ATRNL1: variants seen among roughly 807,000 people sequenced by gnomAD.
The protein encoded by ATRNL1 is attractin-like protein 1.
Under a neutral mutation model 182.7 loss-of-function variants are expected in ATRNL1, and 95 were observed. The ratio of observed to expected loss-of-function variants is 0.52; its 90% CI spans 0.44 to 0.62. ATRNL1 has a LOEUF of 0.62. ATRNL1 is among the 20% of genes least tolerant of loss of function. The pLI, the probability that ATRNL1 is intolerant of heterozygous loss-of-function variation, is 0.00. For missense variants in ATRNL1, 1,471 were observed against 1,679.5 expected (o/e 0.88, Z 2.17); for synonymous variants, 576 against 568.3 (o/e 1.01, Z -0.19).
intron 27 of ATRNL1, among the ~76,000 whole-genome samples, chr10:115,750,411 C>T (rs368226688): frequency 2.6e-5 from 4 of 151,632 alleles, no homozygotes; most frequent in African/African-American, 9.7e-5. Flanking sequence ...GATAGATGAA[C>T]AGCTATATGG....
chr10:115,185,793 G>C (rs1847916857), intron 8 of ATRNL1, among the ~76,000 whole-genome samples: 1 of 152,036 alleles, frequency 6.6e-6, no homozygotes, highest in Admixed American at 6.6e-5. Flanking sequence ...AGAGAAACCT[G>C]TCAATAACTT....
intron 9 of ATRNL1, among the ~76,000 whole-genome samples, chr10:115,218,068 G>A (rs1362705280): frequency 6.6e-6 from 1 of 151,806 alleles, no homozygotes; most frequent in Admixed American, 6.6e-5. Context: ...TATTTATTGT[G>A]CACTTTATTT....
chr10:115,592,659 G>T (rs1855982452), intron 26 of ATRNL1, among the ~76,000 whole-genome samples: 1 of 152,110 alleles, frequency 6.6e-6, no homozygotes, highest in Admixed American at 6.5e-5. Context: ...CATTCACTTG[G>T]TGTAATATTT....
chr10:115,447,636 A>G lies in ATRNL1; in HGVS notation c.3323-14305A>G, dbSNP rs1029992982. ...CATAGTGCATTTATTTTAGTTATGTAGAATATTTCTACAGGTATAACATTT... is the reference window on the plus strand; with the variant it reads ...CATAGTGCATTTATTTTAGTTATGTGGAATATTTCTACAGGTATAACATTT... On this transcript the variant is annotated intron_variant, in intron 21 of 28. Coordinates refer to ENST00000355044, the MANE Select transcript of ATRNL1 (RefSeq NM_207303.4). 5.3e-5 allele frequency among the ~76,000 whole-genome samples: 8 copies of G among 152,092 alleles called. No homozygotes were observed. In the East Asian group the frequency reaches 1.4e-3, roughly 26 times the overall value.
intron 7 of ATRNL1, among the ~76,000 whole-genome samples, chr10:115,166,087 A>G (rs1247539672): frequency 2.0e-5 from 3 of 152,006 alleles, no homozygotes; most frequent in African/African-American, 4.8e-5. Context: ...TCTTGAAACC[A>G]CCAATCTACT....
chr10:115,578,715 C>T (rs1431568154), intron 26 of ATRNL1, among the ~76,000 whole-genome samples: 1 of 150,806 alleles, frequency 6.6e-6, no homozygotes, highest in Non-Finnish European at 1.5e-5. Context: ...TATAGTTTTT[C>T]TCTTTTCTGT....
rs186871525 is a variant in ATRNL1, at chr10:115,314,970, T to C, written c.2819-548T>C. 3.3e-5 allele frequency among the ~76,000 whole-genome samples: 5 copies of C among 152,234 alleles called. No homozygotes were observed. In the East Asian group the frequency reaches 7.7e-4, roughly 24 times the overall value. ...ATCCAGCTTGGCTTTTTGGATGAGA[T>C]TAAGTTTATTCATCACATAGTAGCC... On this transcript the variant is annotated intron_variant, in intron 17 of 28. Coordinates refer to ENST00000355044, the MANE Select transcript of ATRNL1 (RefSeq NM_207303.4).
At chr10:115,916,459 A>C (rs560860701) in intron 28 of ATRNL1, among the ~76,000 whole-genome samples, 2 of 152,362 alleles carry the variant, frequency 1.3e-5, no homozygotes, top group South Asian at 4.1e-4. Flanking sequence ...GCAAAGAAGC[A>C]AAATGGCTGT....
chr10:115,265,140 T>A, intron 10 of ATRNL1, 53 bp from the exon 11 acceptor site: 1 of 1,167,014 alleles, frequency 8.6e-7, no homozygotes, highest in South Asian at 1.3e-5. Context: ...ATATTATTTG[T>A]CTTAGTTTAT....
chr10:115,312,665 A>G (rs1406253835), intron 17 of ATRNL1, among the ~76,000 whole-genome samples: 4 of 152,140 alleles, frequency 2.6e-5, no homozygotes, highest in Non-Finnish European at 5.9e-5. Flanking sequence ...TAGCAAGGCC[A>G]GGGGTGTTTT....
intron 28 of ATRNL1, among the ~76,000 whole-genome samples, chr10:115,853,314 T>C (rs1194539951): frequency 6.6e-6 from 1 of 152,216 alleles, no homozygotes; most frequent in African/African-American, 2.4e-5. Flanking sequence ...ACTGTGTTAA[T>C]GAAATCTTCC....
intron 27 of ATRNL1, among the ~76,000 whole-genome samples, chr10:115,816,982 A>G (rs782123566): frequency 5.9e-4 from 90 of 152,094 alleles, no homozygotes; most frequent in Non-Finnish European, 1.0e-3. Context: ...TCCTCTTCCT[A>G]CTGCATTGCT....
intron 26 of ATRNL1, among the ~76,000 whole-genome samples, chr10:115,617,370 G>GT (rs34363986): frequency 0.5 from 74,091 of 148,804 alleles, 19,150 homozygotes; most frequent in East Asian, 0.84. Context: ...TTTGTTTTTT[G>GT]TTTTTTTTTA....
At chr10:115,106,432 G>A (rs1326091028) in intron 1 of ATRNL1, among the ~76,000 whole-genome samples, 1 of 152,086 alleles carries the variant, frequency 6.6e-6, no homozygotes, top group African/African-American at 2.4e-5. Context: ...GGGGACTGTT[G>A]GGAAAGCATC....
intron 5 of ATRNL1, among the ~76,000 whole-genome samples, chr10:115,132,979 T>C (rs1592144840): frequency 6.6e-6 from 1 of 152,242 alleles, no homozygotes; most frequent in East Asian, 1.9e-4. Context: ...CCATTGCTTT[T>C]GGTGTTTTAG....
chr10:115,100,073 C>G (rs1843712517), intron 1 of ATRNL1, among the ~76,000 whole-genome samples: 1 of 152,124 alleles, frequency 6.6e-6, no homozygotes, highest in Admixed American at 6.5e-5. Flanking sequence ...AGGAGGATCA[C>G]TTGAGTCTAG....
chr10:115,903,189 A>G (rs919150840), intron 28 of ATRNL1, among the ~76,000 whole-genome samples: 4 of 152,196 alleles, frequency 2.6e-5, no homozygotes, highest in Admixed American at 2.6e-4. Context: ...TCCATGCTGT[A>G]TATTGTTTTA....
intron 27 of ATRNL1, among the ~76,000 whole-genome samples, chr10:115,770,135 GT>G (rs150422023): frequency 2.1e-4 from 31 of 147,646 alleles, no homozygotes; most frequent in African/African-American, 4.0e-4. Flanking sequence ...TACCTGAAGG[GT>G]TTTTTTTTTA....
Position 115,437,774 on chromosome 10 carries a change from A to T in ATRNL1, c.3322+11472A>T, listed in dbSNP as rs184258862. On this transcript the variant is annotated intron_variant, in intron 21 of 28. Coordinates refer to ENST00000355044, the MANE Select transcript of ATRNL1 (RefSeq NM_207303.4). Reference sequence around the variant, plus strand: ...TTGAAATCCTTCAGAATTCATTCAGAAATAACTACAGTGAATAAGGCAGTG... The same window carrying T: ...TTGAAATCCTTCAGAATTCATTCAGTAATAACTACAGTGAATAAGGCAGTG... Among the ~76,000 whole-genome samples, 8 of 152,168 alleles carry T rather than the reference A, an allele frequency of 5.3e-5. No homozygotes were observed. The East Asian group carries it at 1.4e-3, about 26-fold the overall frequency.
Sources: gnomAD v4.1 joint callset for allele counts (sites outside exome capture counted in the v4.1 genomes callset) on GRCh38, gnomAD v4.1.1 for gene constraint, MANE v1.5 for transcripts, NCBI Gene and HGNC (gene_info 2026-07-23, HGNC 2026-07-21) for gene names.